The following MYRIP variants were observed in gnomAD, a reference collection of about 807,000 sequenced individuals.
The protein encoded by MYRIP is myosin VIIA and Rab interacting protein, also known as rab effector MyRIP.
A neutral mutation model predicts 98.0 loss-of-function variants in MYRIP; 49 were observed. The ratio of observed to expected loss-of-function variants is 0.50; its 90% CI spans 0.40 to 0.63. The LOEUF is 0.63. MYRIP is among the 30% of genes least tolerant of loss of function. MYRIP has a pLI of 0.00. For synonymous variants in MYRIP, 404 were observed against 409.5 expected (o/e 0.99, Z 0.16); for missense variants, 1,004 against 1,058.2 (o/e 0.95, Z 0.71).
At chr3:40,135,133 G>GA (rs1213994277) in intron 3 of MYRIP, among the ~76,000 whole-genome samples, 2 of 151,732 alleles carry the variant, frequency 1.3e-5, no homozygotes, top group African/African-American at 2.4e-5. Context: ...TAAAAACTTT[G>GA]AAAAAAAATT....
At chr3:40,188,429 G>C (rs982593087) in intron 9 of MYRIP, among the ~76,000 whole-genome samples, 1 of 151,936 alleles carries the variant, frequency 6.6e-6, no homozygotes, top group African/African-American at 2.4e-5. Context: ...CAAAGCCCTG[G>C]GGTCCTCATC....
At chr3:40,006,035 A>G (rs78221223) in intron 2 of MYRIP, among the ~76,000 whole-genome samples, 6,299 of 152,230 alleles carry the variant, frequency 0.041, 200 homozygotes, top group East Asian at 0.17. Context: ...AGCTTCCATG[A>G]GGAGGGATCA....
chr3:39,913,696 A>G (rs1256807055), intron 2 of MYRIP, among the ~76,000 whole-genome samples: 3 of 152,222 alleles, frequency 2.0e-5, no homozygotes, highest in Non-Finnish European at 4.4e-5. Flanking sequence ...TGTTCATGAA[A>G]TCATACAATG....
At chr3:40,069,927 AT>A (rs1948191256) in intron 3 of MYRIP, among the ~76,000 whole-genome samples, 1 of 152,214 alleles carries the variant, frequency 6.6e-6, no homozygotes, top group Non-Finnish European at 1.5e-5. Flanking sequence ...CATTTTAAAC[AT>A]TTAAATTTTA....
At chr3:39,809,391 G>T (rs1168582929), upstream of MYRIP, among the ~76,000 whole-genome samples, 2 of 148,862 alleles carry the variant, frequency 1.3e-5, no homozygotes, top group Admixed American at 1.3e-4. Flanking sequence ...CTCCCGGTGC[G>T]CCCCGCCCCT....
At chr3:39,879,749 C>T (rs1223911475) in intron 1 of MYRIP, among the ~76,000 whole-genome samples, 1 of 152,196 alleles carries the variant, frequency 6.6e-6, no homozygotes, top group African/African-American at 2.4e-5. Flanking sequence ...GCTGAAATCT[C>T]TGCTCAGATT....
At chr3:40,170,206 G>C (rs1332257205) in intron 8 of MYRIP, 113 bp downstream of exon 8, 1 of 1,363,916 alleles carries the variant, frequency 7.3e-7, no homozygotes, top group African/African-American at 1.5e-5. Flanking sequence ...ATTTCAGAAG[G>C]ATGGGGAGCG....
chr3:39,987,111 A>T (rs926166885), intron 2 of MYRIP, among the ~76,000 whole-genome samples: 2 of 151,972 alleles, frequency 1.3e-5, no homozygotes, highest in African/African-American at 4.8e-5. Flanking sequence ...TCTAGGTTTT[A>T]AGCCCTGCAT....
chr3:39,873,266 A>C (rs1038332468), intron 1 of MYRIP, among the ~76,000 whole-genome samples: 67 of 151,934 alleles, frequency 4.4e-4, no homozygotes, highest in African/African-American at 1.6e-3. Flanking sequence ...AGGTTGTGAA[A>C]ATTTTCTCCC....
intron 2 of MYRIP, among the ~76,000 whole-genome samples, chr3:40,014,995 G>A (rs1946831076): frequency 6.6e-6 from 1 of 152,148 alleles, no homozygotes; most frequent in African/African-American, 2.4e-5. Flanking sequence ...GTGCCCAGGG[G>A]AGTTTGGTGA....
intron 2 of MYRIP, among the ~76,000 whole-genome samples, chr3:39,989,632 A>G (rs9858936): frequency 0.011 from 1,717 of 151,684 alleles, 41 homozygotes; most frequent in African/African-American, 0.04. Flanking sequence ...GAATAAGTCT[A>G]CTGGTCTGCA....
chr3:40,221,230 C>T (rs1231449009), intron 11 of MYRIP, among the ~76,000 whole-genome samples: 3 of 151,830 alleles, frequency 2.0e-5, no homozygotes, highest in African/African-American at 7.3e-5. Context: ...GTGCCTGGCA[C>T]TATTGAAGCA....
chr3:40,039,171 T>C (rs1233429789), intron 2 of MYRIP, among the ~76,000 whole-genome samples: 2 of 152,134 alleles, frequency 1.3e-5, no homozygotes, highest in Non-Finnish European at 2.9e-5. Flanking sequence ...GTTGCTTCAA[T>C]GAACTGAAAA....
chr3:39,904,946 G>C (rs1462917939), intron 2 of MYRIP, among the ~76,000 whole-genome samples: 1 of 152,124 alleles, frequency 6.6e-6, no homozygotes, highest in East Asian at 1.9e-4. Context: ...ATAGTAGACA[G>C]GCAATACCAG....
chr3:39,952,510 A>T (rs1380116272), intron 2 of MYRIP, among the ~76,000 whole-genome samples: 1 of 152,170 alleles, frequency 6.6e-6, no homozygotes. Flanking sequence ...AATCCCACTT[A>T]ATCATGGTGT....
intron 11 of MYRIP, among the ~76,000 whole-genome samples, chr3:40,227,433 T>C (rs1952521087): frequency 1.3e-5 from 2 of 152,146 alleles, no homozygotes; most frequent in Admixed American, 6.6e-5. Context: ...TGTGCCAGTG[T>C]AGGTTGCTTA....
intron 1 of MYRIP, among the ~76,000 whole-genome samples, chr3:39,861,132 A>G (rs947889533): frequency 3.3e-5 from 5 of 152,220 alleles, no homozygotes; most frequent in African/African-American, 1.2e-4. Context: ...TGGCGTCTTC[A>G]GTGCAGCAGG....
chr3:40,190,516 C>A, intron 10 of MYRIP, 53 bp downstream of exon 10: 1 of 1,522,158 alleles, frequency 6.6e-7, no homozygotes. Context: ...GTAGGATGTG[C>A]CCTACTCCAA....
intron 2 of MYRIP, among the ~76,000 whole-genome samples, chr3:40,006,640 A>T (rs1006810786): frequency 6.6e-6 from 1 of 152,106 alleles, no homozygotes; most frequent in Admixed American, 6.6e-5. Context: ...GTGATTGAGC[A>T]CCTTCTCTTC....
Sources: gnomAD v4.1 joint callset for allele counts (sites outside exome capture counted in the v4.1 genomes callset) on GRCh38, gnomAD v4.1.1 for gene constraint, MANE v1.5 for transcripts, NCBI Gene and HGNC (gene_info 2026-07-23, HGNC 2026-07-21) for gene names.